Variants in CCDC91 observed in about 807,000 individuals in gnomAD.
CCDC91 encodes the protein coiled-coil domain-containing protein 91.
A neutral mutation model predicts 63.2 loss-of-function variants in CCDC91; 48 were observed. The observed-to-expected ratio is 0.76, with a 90% CI of 0.60 to 0.97. The LOEUF (loss-of-function observed/expected upper bound fraction) is 0.97, where lower values mean the gene tolerates loss of function less well. Among genes scored for constraint, CCDC91 ranks in the 50% least tolerant of loss-of-function variants. The probability of loss-of-function intolerance (pLI) is 0.00; values close to 1 mark genes in which losing one functional copy is unlikely to be tolerated. For synonymous variants in CCDC91, 167 were observed against 165.8 expected, an observed-to-expected ratio of 1.01 and a Z score of -0.06; for missense variants, 500 against 494.6, an observed-to-expected ratio of 1.01 and a Z score of -0.10.
intron 11 of CCDC91, among the ~76,000 whole-genome samples, chr12:28,468,099 A>C (rs759890217): frequency 6.6e-6 from 1 of 152,028 alleles, no homozygotes; most frequent in African/African-American, 2.4e-5. Flanking sequence ...AGCAGAAATC[A>C]ATGAAACTGA....
intron 8 of CCDC91, among the ~76,000 whole-genome samples, chr12:28,441,712 A>G (rs143060757): frequency 8.9e-5 from 4 of 45,080 alleles, no homozygotes; most frequent in Admixed American, 2.5e-4. Context: ...TCTCATATAT[A>G]TATCTCATAT....
intron 3 of CCDC91, among the ~76,000 whole-genome samples, chr12:28,299,135 AT>A (rs1365816522): frequency 2.6e-5 from 4 of 151,538 alleles, no homozygotes; most frequent in African/African-American, 9.7e-5. Flanking sequence ...CTGGTGAGTA[AT>A]TCTTGAGATG....
chr12:28,527,291 G>C (rs1407790799), intron 12 of CCDC91, among the ~76,000 whole-genome samples: 2 of 152,166 alleles, frequency 1.3e-5, no homozygotes, highest in Non-Finnish European at 1.5e-5. Context: ...TGTCCCACGG[G>C]ATACTCCCTT....
rs1948075349 is a variant in CCDC91 at position 28,422,570 on chromosome 12, A to T, written c.763-27591A>T. Among the ~76,000 whole-genome samples, 3 of 152,102 alleles carry T rather than the reference A, an allele frequency of 2.0e-5. 1 individual carries two copies. The South Asian group carries it at 6.2e-4, about 32-fold the overall frequency. ...TTTGCCAGGAAAAACACATTTTATT[A>T]ACTGCTAATTATTGTCCCAAATGTA... On this transcript the variant is annotated intron_variant, in intron 8 of 12. Transcript: ENST00000536442.
At chr12:28,192,860 C>G (rs1941383264) in intron 1 of CCDC91, among the ~76,000 whole-genome samples, 1 of 151,556 alleles carries the variant, frequency 6.6e-6, no homozygotes, top group African/African-American at 2.4e-5. Context: ...GGAACCACTG[C>G]CACAATCCAG....
intron 1 of CCDC91, among the ~76,000 whole-genome samples, chr12:28,196,149 T>A (rs1025979579): frequency 1.6e-4 from 22 of 140,850 alleles, no homozygotes; most frequent in Non-Finnish European, 3.6e-4. Context: ...TATTTGGTCT[T>A]TGATTTCTCT....
At chr12:28,511,178 C>T (rs1399613201) in intron 12 of CCDC91, among the ~76,000 whole-genome samples, 1 of 151,848 alleles carries the variant, frequency 6.6e-6, no homozygotes, top group African/African-American at 2.4e-5. Context: ...TCACCATCTC[C>T]ACTACTGTGT....
At chr12:28,243,853 A>G (rs1197062569) in intron 1 of CCDC91, among the ~76,000 whole-genome samples, 5 of 152,218 alleles carry the variant, frequency 3.3e-5, no homozygotes, top group Admixed American at 3.3e-4. Flanking sequence ...TGAGGAATAG[A>G]TTATTCCAAT....
chr12:28,377,586 G>A (rs1369109196), intron 7 of CCDC91, among the ~76,000 whole-genome samples: 10 of 151,730 alleles, frequency 6.6e-5, no homozygotes, highest in Admixed American at 1.3e-4. Context: ...GTGAAAATTA[G>A]TTACTTATTA....
At chr12:28,281,125 A>G (rs1308869044) in intron 3 of CCDC91, among the ~76,000 whole-genome samples, 1 of 152,096 alleles carries the variant, frequency 6.6e-6, no homozygotes, top group Non-Finnish European at 1.5e-5. Flanking sequence ...GCAGTAGTCT[A>G]TTTGGTCTTA....
chr12:28,490,185 A>G (rs554101978), intron 12 of CCDC91, among the ~76,000 whole-genome samples: 51 of 151,906 alleles, frequency 3.4e-4, no homozygotes, highest in African/African-American at 1.1e-3. Flanking sequence ...TCTTGCTTCT[A>G]TCCAATCTGG....
chr12:28,381,406 A>G (rs1945289966), intron 7 of CCDC91, among the ~76,000 whole-genome samples: 1 of 152,116 alleles, frequency 6.6e-6, no homozygotes, highest in South Asian at 2.1e-4. Flanking sequence ...TCATGGTAAC[A>G]TATGCACTTA....
At chr12:28,254,730 G>T (rs1034277014) in intron 1 of CCDC91, among the ~76,000 whole-genome samples, 1 of 148,620 alleles carries the variant, frequency 6.7e-6, no homozygotes, top group Non-Finnish European at 1.5e-5. Context: ...TTTTTTAAAC[G>T]TATTAATATT....
intron 6 of CCDC91, among the ~76,000 whole-genome samples, chr12:28,347,383 T>A (rs1032090707): frequency 8.5e-5 from 13 of 152,196 alleles, no homozygotes; most frequent in African/African-American, 2.7e-4. Context: ...AGCTGTTACT[T>A]CTTCTTCTGT....
At chr12:28,524,890 G>A (rs1377669258) in intron 12 of CCDC91, among the ~76,000 whole-genome samples, 4 of 152,074 alleles carry the variant, frequency 2.6e-5, no homozygotes, top group Admixed American at 2.6e-4. Context: ...ACATAAAGGT[G>A]TTCATAGTAG....
At chr12:28,478,642 C>T (rs1035249962) in intron 11 of CCDC91, among the ~76,000 whole-genome samples, 1 of 152,100 alleles carries the variant, frequency 6.6e-6, no homozygotes, top group Non-Finnish European at 1.5e-5. Flanking sequence ...AGCTTCTGCA[C>T]AGCAAAAGAA....
rs190927359 is a variant in CCDC91, at chr12:28,199,808, G to A, written c.-15+9167G>A. Among the ~76,000 whole-genome samples, 3 of 152,268 alleles carry A rather than the reference G, an allele frequency of 2.0e-5. No individual in the cohort carries two copies. In the East Asian group the frequency reaches 5.8e-4, roughly 29 times the overall value. Reference sequence around the variant, plus strand: ...GTGGTTTTTAGTGAGAAATCAGATAGGAAATCTTTTTGACGATTCCCTATT... The same window carrying A: ...GTGGTTTTTAGTGAGAAATCAGATAAGAAATCTTTTTGACGATTCCCTATT... On this transcript the variant is annotated intron_variant, in intron 1 of 12. Coordinates refer to ENST00000536442, the MANE Select transcript of CCDC91 (RefSeq NM_018318.5).
intron 12 of CCDC91, among the ~76,000 whole-genome samples, chr12:28,513,485 A>G (rs1939596394): frequency 6.6e-6 from 1 of 151,898 alleles, no homozygotes; most frequent in South Asian, 2.1e-4. Flanking sequence ...GATATTTTGC[A>G]TTTAGGATTT....
At chr12:28,245,400 A>G (rs2136013991) in intron 1 of CCDC91, among the ~76,000 whole-genome samples, 1 of 152,324 alleles carries the variant, frequency 6.6e-6, no homozygotes, top group East Asian at 1.9e-4. Flanking sequence ...AATGTCAAAA[A>G]TAAAATTTCC....
Sources: allele counts gnomAD v4.1 joint callset (sites outside exome capture counted in the v4.1 genomes callset), GRCh38; gene constraint gnomAD v4.1.1; transcripts MANE v1.5; gene names NCBI Gene and HGNC (gene_info 2026-07-23, HGNC 2026-07-21).